Variants in TUBB8 observed in about 807,000 individuals in gnomAD.
The protein encoded by TUBB8 is tubulin beta 8 class VIII.
Under a neutral mutation model 33.7 loss-of-function variants are expected in TUBB8, and 25 were observed. That is an observed-to-expected ratio of 0.74 (90% CI 0.54 to 1.04). The LOEUF is 1.04. Among genes scored for constraint, TUBB8 ranks in the 50% least tolerant of loss-of-function variants. The probability of loss-of-function intolerance (pLI) is 0.00; values close to 1 mark genes in which losing one functional copy is unlikely to be tolerated. For missense variants in TUBB8, 279 were observed against 608.0 expected, an observed-to-expected ratio of 0.46 and a Z score of 5.69; for synonymous variants, 245 against 240.1, an observed-to-expected ratio of 1.02 and a Z score of -0.19.
intron 1 of TUBB8, among the ~76,000 whole-genome samples, chr10:57,329 G>A (rs1364171585): frequency 2.0e-5 from 3 of 152,208 alleles, no homozygotes; most frequent in Non-Finnish European, 4.4e-5. Flanking sequence ...TCTCCTCACA[G>A]GTCTACTAGG....
At chr10:76,271 T>A (rs1276761080), upstream of TUBB8, among the ~76,000 whole-genome samples, 5 of 151,270 alleles carry the variant, frequency 3.3e-5, no homozygotes, top group African/African-American at 1.2e-4. Flanking sequence ...CCTCCTCCTC[T>A]CCGGGGACCA....
chr10:59,378 G>C (rs547974452), intron 1 of TUBB8, among the ~76,000 whole-genome samples: 2 of 152,230 alleles, frequency 1.3e-5, no homozygotes, highest in South Asian at 4.1e-4. Flanking sequence ...TAGTAGATAT[G>C]GGGTTTTGCC....
intron 1 of TUBB8, among the ~76,000 whole-genome samples, chr10:69,816 G>A (rs1357436603): frequency 6.6e-5 from 10 of 152,158 alleles, no homozygotes; most frequent in Non-Finnish European, 1.0e-4. Context: ...AGGATGGCTC[G>A]AGCCCGGGAG....
At chr10:62,378 A>T (rs1564210259) in intron 1 of TUBB8, among the ~76,000 whole-genome samples, 1 of 151,576 alleles carries the variant, frequency 6.6e-6, no homozygotes, top group Non-Finnish European at 1.5e-5. Context: ...AAAGCAACTA[A>T]TAAAAACTCT....
At position 47,062 on chromosome 10, in the gene TUBB8, C is replaced by A; in HGVS notation, c.1330G>T (p.Ala444Ser). 1 of 1,094,404 alleles carries A rather than the reference C, an allele frequency of 9.1e-7. No individual in the cohort carries two copies. Among genetic ancestry groups the A allele is most frequent in the Non-Finnish European group, 1.4e-6 (1 of 733,472 alleles). The allele number at this position is 1,094,404 out of a possible 1,614,324, so 67.8% of individuals were successfully genotyped here. ...EDEEYAEEEV[A>S] ...TTACCTAGAAAAGGAGAGTTCTAGG[C>A]CACCTCCTCCTCGGCATACTCCTCA... Residue 444 changes from alanine to serine, a missense_variant, in exon 4 of 4, where the codon GCC becomes TCC. Ala to Ser is a moderately conservative substitution (Grantham distance 99). This residue lies in a region of TUBB8 where 123 missense variants were observed against 228.9 expected (regional missense o/e 0.54). Coordinates refer to ENST00000568584, the MANE Select transcript of TUBB8 (RefSeq NM_177987.3).
chr10:47,876 C>G lies in TUBB8; in HGVS notation c.516G>C (p.Ser172=). 2 of 1,584,900 alleles carry G rather than the reference C, an allele frequency of 1.3e-6. No homozygotes were observed. Among genetic ancestry groups the G allele is most frequent in the South Asian group, 2.2e-5 (2 of 90,326 alleles). ...CCACCACGGTGTCCGACACCTTGGG[C>G]GAGGGCAGGATGCTGAATGTGTTTA... ...RIINTFSILP[S]PKVSDTVVEP... The change falls in exon 4 of 4, where the codon TCG becomes TCC. Residue 172 remains serine, a synonymous_variant. Coordinates refer to ENST00000568584, the MANE Select transcript of TUBB8 (RefSeq NM_177987.3).
chr10:49,083 C>T, intron 1 of TUBB8, 99 bp downstream of exon 1: 1 of 1,395,830 alleles, frequency 7.2e-7, no homozygotes, highest in Non-Finnish European at 9.8e-7. Context: ...GCAGGGAGCC[C>T]AGGGGCCGCA....
rs372723699 is a variant in TUBB8 at position 46,915 on chromosome 10, C to T, written c.*142G>A. The T allele has an allele frequency of 0.033, 19,231 of 574,556 alleles. 387 individuals are homozygous for T. The highest frequency in any genetic ancestry group is 0.04 in the South Asian group (1,857 of 46,798). 35.6% of individuals were successfully genotyped at this position (574,556 alleles called of 1,614,324 possible). On this transcript the variant is annotated 3_prime_UTR_variant, in exon 4 of 4. Transcript: ENST00000568584. ...GATGCTGTGAGAATACTTTATTAGT[C>T]AAAACCGCATACTATAAAAATGCTT...
At chr10:72,254 T>TAAAAAAA (rs34999592) in intron 1 of TUBB8, among the ~76,000 whole-genome samples, 1 of 125,248 alleles carries the variant, frequency 8.0e-6, no homozygotes, top group African/African-American at 3.0e-5. Context: ...TTTTTTTAAT[T>TAAAAAAA]AAAAAAAAAA....
chr10:76,431 C>G (rs1443149533), upstream of TUBB8, among the ~76,000 whole-genome samples: 3 of 152,216 alleles, frequency 2.0e-5, no homozygotes, highest in African/African-American at 4.8e-5. Flanking sequence ...GCTCGCTCCG[C>G]TGCACTCACA....
At position 65,019 on chromosome 10, in the gene TUBB8, G is replaced by A. The variant is rs183836409; in HGVS notation, c.-846+8950C>T. Among the ~76,000 whole-genome samples the A allele has an allele frequency of 1.3e-4, 20 of 149,190 alleles. No homozygotes were observed. In the East Asian group the frequency reaches 3.6e-3, roughly 27 times the overall value. ...AAAAAATAGTTGGGCATGTTGGCAC[G>A]CACCTGTGTTCCCAGCTACTTGGAA... On this transcript the variant is annotated intron_variant, in intron 1 of 3. Transcript: ENST00000564130.
rs782752076 is a variant in TUBB8, at chr10:48,606, G to A, written c.277+9C>T. 12 of 1,610,214 alleles carry A rather than the reference G, an allele frequency of 7.5e-6. No homozygotes were observed. The highest frequency in any genetic ancestry group is 2.1e-4 in the Middle Eastern group (1 of 4,840). ...AGGAGCCGCACCCCAGTCCTCGCCC[G>A]CAGCTCACCGAAGATGAAGTTGTCT... is the stretch of plus-strand genomic sequence containing the variant. On this transcript the variant is annotated intron_variant, in intron 3 of 3. Coordinates refer to ENST00000568584, the MANE Select transcript of TUBB8 (RefSeq NM_177987.3).
upstream of TUBB8, chr10:49,645 T>C (rs1328861827): frequency 4.3e-6 from 2 of 466,060 alleles, no homozygotes; most frequent in Non-Finnish European, 8.5e-6. Context: ...TTGTAATTGA[T>C]GAGTCTTTTC....
At chr10:53,326 C>T (rs1834491662), upstream of TUBB8, among the ~76,000 whole-genome samples, 1 of 151,940 alleles carries the variant, frequency 6.6e-6, no homozygotes, top group Non-Finnish European at 1.5e-5. Context: ...TGGGGTTTCA[C>T]TCTGTTGGCC....
chr10:48,472 C>T (rs1473293248), intron 3 of TUBB8, 143 bp downstream of exon 3: 12 of 798,426 alleles, frequency 1.5e-5, no homozygotes, highest in Non-Finnish European at 1.1e-5. Context: ...TTAGGAGAGG[C>T]AGATTGAGCG....
At position 46,890 on chromosome 10, in the gene TUBB8, G is replaced by C. The variant is rs1554737872; in HGVS notation, c.*167C>G. The stretch of plus-strand genomic sequence containing the variant: ...TAGAAAGAAGATGGAGGCAAAACCA[G>C]ATGCTGTGAGAATACTTTATTAGTC... On this transcript the variant is annotated 3_prime_UTR_variant, in exon 4 of 4. Coordinates refer to ENST00000568584, the MANE Select transcript of TUBB8 (RefSeq NM_177987.3). The C allele has an allele frequency of 1.8e-6, 1 of 542,866 alleles. No homozygotes were observed. The highest frequency in any genetic ancestry group is 2.1e-5 in the African/African-American group (1 of 48,242). The allele number at this position is 542,866 out of a possible 1,614,324, so 33.6% of individuals were successfully genotyped here. A position where few individuals can be genotyped will look rare whatever the true frequency, so the allele number is the denominator to read the frequency against.
At position 47,336 on chromosome 10, in the gene TUBB8, G is replaced by A. The variant is rs782743686; in HGVS notation, c.1056C>T (p.Ala352=). 3.0e-5 allele frequency: 48 copies of A among 1,613,306 alleles called. No homozygotes were observed. The highest frequency in any genetic ancestry group is 5.0e-5 in the Admixed American group (3 of 59,994). Residue 352 remains alanine, a synonymous_variant, in exon 4 of 4, where the codon GCC becomes GCT. Coordinates refer to ENST00000568584, the MANE Select transcript of TUBB8 (RefSeq NM_177987.3). The part of the protein sequence containing the change: ...ADWLPNNVKT[A]VCDIPPRGLK... ...GCCCCCGGGGTGGGATGTCACAGAC[G>A]GCTGTTTTTACGTTGTTGGGGAGCC...
intron 1 of TUBB8, among the ~76,000 whole-genome samples, chr10:60,994 C>T (rs1245489501): frequency 6.8e-6 from 1 of 147,920 alleles, no homozygotes; most frequent in Non-Finnish European, 1.5e-5. Context: ...CCAAACACCG[C>T]ATATTCTCAC....
chr10:54,405 T>C (rs1834504847), intron 1 of TUBB8, among the ~76,000 whole-genome samples: 2 of 151,752 alleles, frequency 1.3e-5, no homozygotes, highest in African/African-American at 4.8e-5. Context: ...TACTCCATTG[T>C]GTATATGTAC....
Sources: gnomAD v4.1 joint callset for allele counts (sites outside exome capture counted in the v4.1 genomes callset) on GRCh38, gnomAD v4.1.1 for gene constraint, gnomAD v4.1.1 regional missense constraint, MANE v1.5 for transcripts, NCBI Gene and HGNC (gene_info 2026-07-23, HGNC 2026-07-21) for gene names.